Variants in GRM5 observed in about 807,000 individuals in gnomAD.
The protein encoded by GRM5 is metabotropic glutamate receptor 5.
A neutral mutation model predicts 83.1 loss-of-function variants in GRM5; 19 were observed. The ratio of observed to expected loss-of-function variants is 0.23; its 90% CI spans 0.16 to 0.34. The LOEUF is 0.34. Among genes scored for constraint, GRM5 ranks in the 10% least tolerant of loss-of-function variants. GRM5 has a pLI of 1.00. For missense variants in GRM5, 1,160 were observed against 1,588.3 expected, an observed-to-expected ratio of 0.73 and a Z score of 4.58; for synonymous variants, 675 against 633.6, an observed-to-expected ratio of 1.07 and a Z score of -0.98.
intron 2 of GRM5, among the ~76,000 whole-genome samples, chr11:88,913,311 C>G (rs1301484143): frequency 6.6e-6 from 1 of 152,240 alleles, no homozygotes; most frequent in African/African-American, 2.4e-5. Context: ...TCCAGTCTCT[C>G]GACAATTCTC....
chr11:88,832,785 G>A (rs1056776031), intron 3 of GRM5, among the ~76,000 whole-genome samples: 5 of 152,046 alleles, frequency 3.3e-5, no homozygotes, highest in African/African-American at 4.8e-5. Context: ...CAACAGAACA[G>A]AATAGAGAAC....
At chr11:88,806,516 A>G (rs1943501083) in intron 3 of GRM5, among the ~76,000 whole-genome samples, 1 of 152,182 alleles carries the variant, frequency 6.6e-6, no homozygotes, top group South Asian at 2.1e-4. Flanking sequence ...ATAGTTAATC[A>G]AGTTCTAGAG....
rs190025281 is a variant in GRM5 at position 88,882,548 on chromosome 11, G to C, written c.662-32393C>G. On this transcript the variant is annotated intron_variant, in intron 2 of 9. Transcript: ENST00000305447. Reference sequence around the variant, plus strand: ...TGCAGTCCGGTCTGGGCAAAAGAGCGAGACTCTGTCTCAAAAAAAAAAAAA... The same window carrying C: ...TGCAGTCCGGTCTGGGCAAAAGAGCCAGACTCTGTCTCAAAAAAAAAAAAA... Among the ~76,000 whole-genome samples, 938 of 146,210 alleles carry C rather than the reference G, an allele frequency of 6.4e-3. 10 individuals carry two copies. The highest frequency in any genetic ancestry group is 0.022 in the African/African-American group (880 of 40,204).
intron 3 of GRM5, among the ~76,000 whole-genome samples, chr11:88,746,084 C>T (rs1298140154): frequency 3.9e-5 from 6 of 152,060 alleles, no homozygotes; most frequent in African/African-American, 4.8e-5. Context: ...CCCTTTGGTT[C>T]CAACCTTTGC....
intron 3 of GRM5, among the ~76,000 whole-genome samples, chr11:88,849,412 A>G (rs1475289360): frequency 6.6e-6 from 1 of 152,144 alleles, no homozygotes; most frequent in Non-Finnish European, 1.5e-5. Flanking sequence ...TCTAGAAACA[A>G]TGTAGGTCAC....
intron 2 of GRM5, among the ~76,000 whole-genome samples, chr11:88,968,371 C>A (rs1439582670): frequency 6.6e-6 from 1 of 151,978 alleles, no homozygotes; most frequent in African/African-American, 2.4e-5. Flanking sequence ...TTTCCAGGAA[C>A]TAGGGGTAGT....
chr11:88,669,234 T>A (rs1432163888), intron 3 of GRM5, among the ~76,000 whole-genome samples: 2 of 152,126 alleles, frequency 1.3e-5, no homozygotes, highest in Non-Finnish European at 2.9e-5. Context: ...ATTTACCACA[T>A]TAACAACATA....
chr11:89,048,578 A>T (rs1681906879), intron 1 of GRM5, among the ~76,000 whole-genome samples: 2 of 152,236 alleles, frequency 1.3e-5, no homozygotes, highest in African/African-American at 2.4e-5. Flanking sequence ...TCTTTTCAAA[A>T]ATACCTCACA....
chr11:88,923,998 AT>A (rs1208617981), intron 2 of GRM5, among the ~76,000 whole-genome samples: 1 of 151,730 alleles, frequency 6.6e-6, no homozygotes, highest in African/African-American at 2.4e-5. Flanking sequence ...AAAGGTCTGA[AT>A]AGACGTTTTT....
chr11:88,881,887 T>C (rs962127335), intron 2 of GRM5, among the ~76,000 whole-genome samples: 16 of 62,924 alleles, frequency 2.5e-4, no homozygotes, highest in African/African-American at 1.2e-3. Flanking sequence ...TAAGTACTTA[T>C]ATAAAACTGA....
chr11:88,673,024 G>A (rs762292401), intron 3 of GRM5, among the ~76,000 whole-genome samples: 27 of 151,904 alleles, frequency 1.8e-4, no homozygotes, highest in Non-Finnish European at 3.1e-4. Context: ...AAAGAGGCAT[G>A]AATCCACATT....
At chr11:88,886,196 G>A (rs1357214899) in intron 2 of GRM5, among the ~76,000 whole-genome samples, 3 of 152,060 alleles carry the variant, frequency 2.0e-5, no homozygotes, top group Non-Finnish European at 4.4e-5. Context: ...CTTCTCTTCG[G>A]CCTATTAAAC....
chr11:88,907,470 C>T (rs1393389726), intron 2 of GRM5, among the ~76,000 whole-genome samples: 1 of 152,146 alleles, frequency 6.6e-6, no homozygotes, highest in African/African-American at 2.4e-5. Context: ...GAACAAAATG[C>T]TATTTTATCA....
intron 4 of GRM5, among the ~76,000 whole-genome samples, chr11:88,612,575 C>G (rs1208137585): frequency 5.3e-4 from 81 of 152,230 alleles, no homozygotes; most frequent in Middle Eastern, 3.4e-3. Flanking sequence ...CTAGTTTACA[C>G]TCCCACCAAC....
rs1941137450 is a variant in GRM5, at chr11:88,504,711, A to T, written c.*3881T>A. 1 of 152,170 alleles carries T rather than the reference A, an allele frequency of 6.6e-6. No individual in the cohort carries two copies. The highest frequency in any genetic ancestry group is 1.5e-5 in the Non-Finnish European group (1 of 68,000). 9.4% of individuals were successfully genotyped at this position (152,170 alleles called of 1,614,324 possible). ...ATAAAACATATTTATACAAGTACAA[A>T]GCAAAACAATGCTGATAAAAATGTT... is the stretch of plus-strand genomic sequence containing the variant. On this transcript the variant is annotated 3_prime_UTR_variant, in exon 10 of 10. Coordinates refer to ENST00000305447, the MANE Select transcript of GRM5 (RefSeq NM_001143831.3).
intron 7 of GRM5, among the ~76,000 whole-genome samples, chr11:88,577,836 T>G (rs528060517): frequency 9.2e-5 from 14 of 152,182 alleles, no homozygotes; most frequent in African/African-American, 3.1e-4. Flanking sequence ...AATTACAATG[T>G]CTTTGGGAAT....
chr11:88,868,370 T>A (rs1944706495), intron 2 of GRM5, among the ~76,000 whole-genome samples: 1 of 144,272 alleles, frequency 6.9e-6, no homozygotes, highest in Admixed American at 6.7e-5. Context: ...TTTCTAAGTC[T>A]TTTTTTTCTC....
chr11:88,815,921 T>C lies in GRM5; in HGVS notation c.911+33985A>G, dbSNP rs185638690. Among the ~76,000 whole-genome samples the C allele has an allele frequency of 2.9e-3, 441 of 151,584 alleles. 1 individual carries two copies. Among genetic ancestry groups the C allele is most frequent in the Middle Eastern group, 0.017 (5 of 294 alleles). ...AGGCTTCAGCCCCTGCCTTAAGAAA[T>C]TGGAAACAGAGGCCGGGCGCGGTGG... On this transcript the variant is annotated intron_variant, in intron 3 of 9. Coordinates refer to ENST00000305447, the MANE Select transcript of GRM5 (RefSeq NM_001143831.3).
intron 2 of GRM5, among the ~76,000 whole-genome samples, chr11:88,898,656 C>T (rs1297219846): frequency 6.6e-6 from 1 of 151,974 alleles, no homozygotes; most frequent in Non-Finnish European, 1.5e-5. Context: ...CACACATAAA[C>T]ACACAGATTT....
Sources: gnomAD v4.1 joint callset for allele counts (sites outside exome capture counted in the v4.1 genomes callset) on GRCh38, gnomAD v4.1.1 for gene constraint, MANE v1.5 for transcripts, NCBI Gene and HGNC (gene_info 2026-07-23, HGNC 2026-07-21) for gene names.